Variants in RAPGEF2 observed in about 807,000 individuals in gnomAD.
RAPGEF2 encodes the protein PDZ domain containing guanine nucleotide exchange factor (GEF) 1.
RAPGEF2 carries 54 observed loss-of-function variants against 186.7 expected under a neutral mutation model. The ratio of observed to expected loss-of-function variants is 0.29; its 90% confidence interval spans 0.23 to 0.36. RAPGEF2 has a LOEUF of 0.36. RAPGEF2 is among the 10% of genes least tolerant of loss of function. The pLI is 1.00. For synonymous variants in RAPGEF2, 712 were observed against 705.9 expected (o/e 1.01, Z -0.14); for missense variants, 1,532 against 2,045.0 (o/e 0.75, Z 4.84).
chr4:159,355,037 T>C (rs1198739108), intron 28 of RAPGEF2, among the ~76,000 whole-genome samples: 1 of 152,198 alleles, frequency 6.6e-6, no homozygotes, highest in Non-Finnish European at 1.5e-5. Context: ...CCTTTTACAA[T>C]GAATAAGGAG....
intron 7 of RAPGEF2, among the ~76,000 whole-genome samples, chr4:159,280,963 G>T (rs113666760): frequency 6.7e-6 from 1 of 149,730 alleles, no homozygotes; most frequent in Non-Finnish European, 1.5e-5. Context: ...TGTACAATGC[G>T]TAGACAAGTA....
chr4:159,164,215 A>G (rs1215775594), intron 1 of RAPGEF2, among the ~76,000 whole-genome samples: 2 of 151,282 alleles, frequency 1.3e-5, no homozygotes, highest in Non-Finnish European at 3.0e-5. Context: ...CGTGTTAGCC[A>G]GGATGGTCTC....
intron 26 of RAPGEF2, chr4:159,351,141 C>T: frequency 6.5e-7 from 1 of 1,535,498 alleles, no homozygotes; most frequent in South Asian, 1.2e-5. Flanking sequence ...GAAGTGAGAA[C>T]AGTAACAAGA....
intron 1 of RAPGEF2, among the ~76,000 whole-genome samples, chr4:159,185,545 G>A (rs771593280): frequency 3.3e-5 from 5 of 152,198 alleles, no homozygotes; most frequent in Non-Finnish European, 5.9e-5. Context: ...ATTGTGCTAA[G>A]TGAAGGAAGT....
intron 4 of RAPGEF2, among the ~76,000 whole-genome samples, chr4:159,213,282 CTT>C: frequency 6.6e-6 from 1 of 152,298 alleles, no homozygotes; most frequent in South Asian, 2.1e-4. Context: ...ATATATTTCT[CTT>C]CCCAGAAAAT....
chr4:159,226,504 C>G (rs184932603), intron 4 of RAPGEF2, among the ~76,000 whole-genome samples: 2 of 152,114 alleles, frequency 1.3e-5, no homozygotes, highest in East Asian at 3.9e-4. Flanking sequence ...GTTATCAGTG[C>G]CAAAAAAATG....
chr4:159,295,850 T>C (rs2110995056), intron 7 of RAPGEF2, among the ~76,000 whole-genome samples: 1 of 151,888 alleles, frequency 6.6e-6, no homozygotes, highest in Non-Finnish European at 1.5e-5. Flanking sequence ...TCCACCAAAA[T>C]CAACTATCAG....
At chr4:159,316,693 A>G (rs1417605293) in intron 9 of RAPGEF2, among the ~76,000 whole-genome samples, 2 of 152,196 alleles carry the variant, frequency 1.3e-5, no homozygotes, top group African/African-American at 4.8e-5. Flanking sequence ...TATATTTACC[A>G]CATTTTCTTT....
intron 1 of RAPGEF2, among the ~76,000 whole-genome samples, chr4:159,129,722 TTTAG>T (rs1266572550): frequency 1.2e-4 from 19 of 152,168 alleles, no homozygotes; most frequent in African/African-American, 4.6e-4. Flanking sequence ...GAAGTTCTAA[TTTAG>T]TTAGGATGTT....
At chr4:159,111,788 A>G (rs1738526353) in intron 1 of RAPGEF2, among the ~76,000 whole-genome samples, 1 of 152,234 alleles carries the variant, frequency 6.6e-6, no homozygotes, top group African/African-American at 2.4e-5. Flanking sequence ...AGCTTAAGAT[A>G]AATGTAGATT....
At chr4:159,321,746 A>G (rs1286497216) in intron 9 of RAPGEF2, among the ~76,000 whole-genome samples, 1 of 152,212 alleles carries the variant, frequency 6.6e-6, no homozygotes, top group African/African-American at 2.4e-5. Flanking sequence ...GTTTCTCCAA[A>G]GCATTCCCAT....
chr4:159,304,570 G>T, intron 8 of RAPGEF2, 97 bp downstream of exon 8: 32 of 1,119,202 alleles, frequency 2.9e-5, no homozygotes, highest in Non-Finnish European at 3.8e-5. Context: ...AAATATATGT[G>T]TATATTACAT....
Position 159,243,590 on chromosome 4 carries a change from C to T in RAPGEF2, c.526-184C>T, listed in dbSNP as rs146884257. Among the ~76,000 whole-genome samples the T allele has an allele frequency of 1.6e-4, 25 of 152,058 alleles. No individual in the cohort carries two copies. In the East Asian group the frequency reaches 4.6e-3, roughly 28 times the overall value. ...CTTCACAGGTGATTTAAAGTCATTG[C>T]AAGAGCATTTCAAGTGCATGGCTAA... On this transcript the variant is annotated intron_variant, in intron 6 of 29. Coordinates refer to ENST00000691494, the MANE Select transcript of RAPGEF2 (RefSeq NM_001394067.2).
At chr4:159,225,747 T>G (rs1057200935) in intron 4 of RAPGEF2, among the ~76,000 whole-genome samples, 1 of 152,174 alleles carries the variant, frequency 6.6e-6, no homozygotes, top group African/African-American at 2.4e-5. Flanking sequence ...ATGTTGAGAA[T>G]TTTTTCATGT....
intron 1 of RAPGEF2, among the ~76,000 whole-genome samples, chr4:159,164,206 G>A (rs1037950530): frequency 2.7e-4 from 41 of 151,178 alleles, no homozygotes; most frequent in Non-Finnish European, 4.1e-4. Flanking sequence ...GGGTTTCACC[G>A]TGTTAGCCAG....
At chr4:159,180,592 G>A (rs1313495098) in intron 1 of RAPGEF2, among the ~76,000 whole-genome samples, 2 of 152,172 alleles carry the variant, frequency 1.3e-5, no homozygotes, top group African/African-American at 2.4e-5. Context: ...AAGAGCAATA[G>A]AAGAAACCCT....
In RAPGEF2 at chr4:159,241,467, A is replaced by ATT. The variant is rs374771337; in HGVS notation, c.525+100_525+101dup. 1.1e-3 allele frequency: 598 copies of ATT among 528,448 alleles called. 7 individuals carry two copies. The highest frequency in any genetic ancestry group is 0.011 in the African/African-American group (571 of 50,712). The allele number at this position is 528,448 out of a possible 1,614,324, so 32.7% of individuals were successfully genotyped here. Reference sequence around the variant, plus strand: ...TTTCCATTTTTGACAAATCTTTTCAATTATATATATATACACACACATTAA... The same window carrying ATT: ...TTTCCATTTTTGACAAATCTTTTCAATTTTATATATATATACACACACATTAA... On this transcript the variant is annotated intron_variant, in intron 6 of 29. Transcript: ENST00000691494.
At chr4:159,351,298 G>GA in intron 26 of RAPGEF2, 1 of 1,178,898 alleles carries the variant, frequency 8.5e-7, no homozygotes, top group African/African-American at 1.6e-5. Context: ...TTATTTTTCT[G>GA]AAACTTTTTT....
In RAPGEF2 at chr4:159,353,323, A is replaced by G. The variant is rs533878053; in HGVS notation, c.4092-164A>G. Among the ~76,000 whole-genome samples the G allele has an allele frequency of 1.0e-3, 152 of 152,086 alleles. 3 individuals are homozygous for G. The South Asian group carries it at 0.019, about 19-fold the overall frequency. ...TAATGATAAAGTCAGAAGGCTAGAC[A>G]TGGCAGAACTGGCCAATATAAGGCA... On this transcript the variant is annotated intron_variant, in intron 27 of 29. Transcript: ENST00000691494. The surrounding 1 kb of genome is among the most constrained non-coding windows in gnomAD (Gnocchi z 4.3).
Sources: allele counts gnomAD v4.1 joint callset (sites outside exome capture counted in the v4.1 genomes callset), GRCh38; gene constraint gnomAD v4.1.1; non-coding constraint Gnocchi (gnomAD v3.1); transcripts MANE v1.5; gene names NCBI Gene and HGNC (gene_info 2026-07-23, HGNC 2026-07-21).